SLCO3A1: variants seen among roughly 807,000 people sequenced by gnomAD.
SLCO3A1 encodes PGE1 transporter.
In SLCO3A1, 27 loss-of-function variants were observed where a neutral mutation model predicts 63.1. The ratio of observed to expected loss-of-function variants is 0.43; its 90% CI spans 0.32 to 0.59. The LOEUF (loss-of-function observed/expected upper bound fraction) is 0.59. Among genes scored for constraint, SLCO3A1 ranks in the 20% least tolerant of loss-of-function variants. The probability of loss-of-function intolerance (pLI) is 0.09; values close to 1 mark genes in which losing one functional copy is unlikely to be tolerated. For missense variants in SLCO3A1, 773 were observed against 945.8 expected, an observed-to-expected ratio of 0.82 and a Z score of 2.40; for synonymous variants, 473 against 409.9, an observed-to-expected ratio of 1.15 and a Z score of -1.86.
At chr15:92,017,270 T>G (rs2046448717) in intron 2 of SLCO3A1, among the ~76,000 whole-genome samples, 1 of 147,208 alleles carries the variant, frequency 6.8e-6, no homozygotes, top group South Asian at 2.1e-4. Flanking sequence ...TCCATTGAGT[T>G]GGAGGAGCTG....
intron 7 of SLCO3A1, among the ~76,000 whole-genome samples, chr15:92,144,859 G>A (rs1456334708): frequency 6.6e-6 from 1 of 152,174 alleles, no homozygotes; most frequent in East Asian, 1.9e-4. Flanking sequence ...ATGAGTCTTG[G>A]GAAGGATCTG....
Position 91,875,189 on chromosome 15 carries a change from G to A in SLCO3A1, c.180+21101G>A, listed in dbSNP as rs192592981. ...GATCTCTACCATTTACTGAGCATCC[G>A]CTGTGTGTACCTGACACATGTCATC... On this transcript the variant is annotated intron_variant, in intron 1 of 9. Coordinates refer to ENST00000318445, the MANE Select transcript of SLCO3A1 (RefSeq NM_013272.4). This position sits in a 1 kb window ranked among gnomAD's most constrained non-coding sequence, Gnocchi z 4.5. Among the ~76,000 whole-genome samples the A allele has an allele frequency of 5.9e-5, 9 of 152,286 alleles. No homozygotes were observed. Among genetic ancestry groups the A allele is most frequent in the Middle Eastern group, 3.4e-3 (1 of 294 alleles).
chr15:92,032,853 G>A (rs1300015151), intron 2 of SLCO3A1, among the ~76,000 whole-genome samples: 1 of 129,252 alleles, frequency 7.7e-6, no homozygotes, highest in Non-Finnish European at 1.5e-5. Context: ...ACAGAGAAGA[G>A]ATAACAATTA....
Position 91,853,726 on chromosome 15 carries a change from G to GGGGAAGGATGCAGGGGAAGAAGC in SLCO3A1, c.-183_-182insGGGAAGGATGCAGGGGAAGAAGC. On this transcript the variant is annotated 5_prime_UTR_variant, in exon 1 of 10. The change creates a new upstream start codon in the 5' untranslated region. Transcript: ENST00000318445. ...GGAAGGGGCGATCGCGGCGGCGGCGGCGGCGGCGAGGAGCTGTGCCTTCCA... is the reference window on the plus strand; with the variant it reads ...GGAAGGGGCGATCGCGGCGGCGGCGGGGGAAGGATGCAGGGGAAGAAGCCGGCGGCGAGGAGCTGTGCCTTCCA... 1.9e-6 allele frequency: 1 copy of GGGGAAGGATGCAGGGGAAGAAGC among 538,578 alleles called. No individual in the cohort carries two copies. The highest frequency in any genetic ancestry group is 2.4e-6 in the Non-Finnish European group (1 of 411,382). 33.4% of individuals were successfully genotyped at this position (538,578 alleles called of 1,614,324 possible).
At chr15:91,903,021 T>C (rs1898199190) in intron 1 of SLCO3A1, among the ~76,000 whole-genome samples, 2 of 152,262 alleles carry the variant, frequency 1.3e-5, no homozygotes, top group Non-Finnish European at 2.9e-5. Flanking sequence ...AAATGCAATA[T>C]GTTAGCTCTT....
At chr15:92,057,833 A>G (rs1399002044) in intron 2 of SLCO3A1, among the ~76,000 whole-genome samples, 1 of 152,220 alleles carries the variant, frequency 6.6e-6, no homozygotes, top group Non-Finnish European at 1.5e-5. Context: ...CCTCGGCGAC[A>G]CCAGGGGACT....
intron 2 of SLCO3A1, among the ~76,000 whole-genome samples, chr15:92,081,783 A>T (rs1041161689): frequency 6.6e-6 from 1 of 152,230 alleles, no homozygotes; most frequent in Non-Finnish European, 1.5e-5. Context: ...ACTTTGGGAA[A>T]AGCCCATTGC....
At chr15:92,074,778 C>CA (rs2047256901) in intron 2 of SLCO3A1, among the ~76,000 whole-genome samples, 1 of 84,354 alleles carries the variant, frequency 1.2e-5, no homozygotes, top group Non-Finnish European at 2.7e-5. Context: ...ACAAGCAGGG[C>CA]GGTGGGGGGT....
chr15:92,142,285 A>G (rs1303370149), intron 7 of SLCO3A1, among the ~76,000 whole-genome samples: 3 of 152,116 alleles, frequency 2.0e-5, no homozygotes, highest in Non-Finnish European at 2.9e-5. Context: ...CTATATCAAA[A>G]CACTTTAAAG....
intron 1 of SLCO3A1, among the ~76,000 whole-genome samples, chr15:91,890,759 C>G (rs540544271): frequency 2.4e-4 from 37 of 152,268 alleles, no homozygotes; most frequent in Non-Finnish European, 4.6e-4. Context: ...TCTGGGCAGC[C>G]TCCCTCACCT....
chr15:92,017,047 G>C (rs1186434898), intron 2 of SLCO3A1, among the ~76,000 whole-genome samples: 1 of 152,130 alleles, frequency 6.6e-6, no homozygotes, highest in African/African-American at 2.4e-5. Flanking sequence ...ATGGGCTGAA[G>C]AAGGAGAGTG....
chr15:91,924,373 C>G (rs1898943848), intron 2 of SLCO3A1, among the ~76,000 whole-genome samples: 1 of 152,138 alleles, frequency 6.6e-6, no homozygotes, highest in Non-Finnish European at 1.5e-5. Flanking sequence ...TTCTCCAAGC[C>G]CTTTGCGAGT....
intron 2 of SLCO3A1, among the ~76,000 whole-genome samples, chr15:92,053,767 A>G (rs1391296133): frequency 6.6e-6 from 1 of 150,880 alleles, no homozygotes; most frequent in Non-Finnish European, 1.5e-5. Context: ...ACAGAGGTAA[A>G]TTGTCATTCT....
intron 2 of SLCO3A1, among the ~76,000 whole-genome samples, chr15:91,938,632 G>A (rs1014683987): frequency 2.0e-5 from 3 of 152,126 alleles, no homozygotes; most frequent in African/African-American, 7.2e-5. Context: ...ATAAAAGGTA[G>A]TACTGTTGTT....
intron 1 of SLCO3A1, among the ~76,000 whole-genome samples, chr15:91,858,059 A>G (rs1199514273): frequency 1.3e-5 from 2 of 152,156 alleles, no homozygotes; most frequent in Non-Finnish European, 1.5e-5. Flanking sequence ...CAGCCTGAGA[A>G]TAGTCAAGTG....
At chr15:92,084,619 C>T (rs1024568685) in intron 2 of SLCO3A1, among the ~76,000 whole-genome samples, 3 of 152,132 alleles carry the variant, frequency 2.0e-5, no homozygotes, top group African/African-American at 7.2e-5. Flanking sequence ...GAGCTGATAG[C>T]AGTCCCTGGG....
intron 4 of SLCO3A1, among the ~76,000 whole-genome samples, chr15:92,115,815 CAAAAAAAAAA>C (rs765666191): frequency 8.1e-5 from 7 of 86,714 alleles, no homozygotes; most frequent in African/African-American, 3.1e-4. Flanking sequence ...TCTCTTCCCT[CAAAAAAAAAA>C]AAAAAAAAAA....
intron 2 of SLCO3A1, among the ~76,000 whole-genome samples, chr15:91,997,408 T>C (rs1323277838): frequency 1.3e-5 from 2 of 152,178 alleles, no homozygotes; most frequent in Admixed American, 6.5e-5. Flanking sequence ...GAAGAATCAA[T>C]ATTGTTAAAA....
chr15:92,168,511 G>A (rs750988000), downstream of SLCO3A1, among the ~76,000 whole-genome samples: 11 of 152,154 alleles, frequency 7.2e-5, no homozygotes, highest in African/African-American at 1.2e-4. Context: ...AAAGACCGTC[G>A]GTGACTGAGG....
Sources: gnomAD v4.1 joint callset for allele counts (sites outside exome capture counted in the v4.1 genomes callset) on GRCh38, gnomAD v4.1.1 for gene constraint, Gnocchi (gnomAD v3.1) non-coding constraint, MANE v1.5 for transcripts, NCBI Gene and HGNC (gene_info 2026-07-23, HGNC 2026-07-21) for gene names.